Variants in TTLL5 observed in about 807,000 individuals in gnomAD.
TTLL5 encodes tubulin polyglutamylase TTLL5.
A neutral mutation model predicts 168.4 loss-of-function variants in TTLL5; 132 were observed. The ratio of observed to expected loss-of-function variants is 0.78; its 90% confidence interval spans 0.68 to 0.91. TTLL5 has a LOEUF of 0.91. Ranked by LOEUF, TTLL5 falls within the 40% of genes least tolerant of loss-of-function variation. TTLL5 has a pLI of 0.00. For synonymous variants in TTLL5, 546 were observed against 558.6 expected (o/e 0.98, Z 0.32); for missense variants, 1,545 against 1,581.5 (o/e 0.98, Z 0.39).
At chr14:75,702,908 A>T (rs1300940213) in intron 7 of TTLL5, among the ~76,000 whole-genome samples, 1 of 152,186 alleles carries the variant, frequency 6.6e-6, no homozygotes, top group African/African-American at 2.4e-5. Context: ...TGCGGACATA[A>T]TGGGAAAATA....
At chr14:75,696,687 T>G (rs549148696) in intron 6 of TTLL5, among the ~76,000 whole-genome samples, 1 of 152,180 alleles carries the variant, frequency 6.6e-6, no homozygotes, top group East Asian at 1.9e-4. Context: ...GAAAAGACTC[T>G]TTTCTCCTCT....
chr14:75,681,008 G>A (rs2140116552), intron 3 of TTLL5, among the ~76,000 whole-genome samples: 1 of 152,184 alleles, frequency 6.6e-6, no homozygotes, highest in Admixed American at 6.5e-5. Flanking sequence ...TCGCAGAAGA[G>A]TGTTTTAAAA....
At chr14:75,896,215 G>T (rs1441900286) in intron 30 of TTLL5, among the ~76,000 whole-genome samples, 1 of 99,092 alleles carries the variant, frequency 1.0e-5, no homozygotes, top group Non-Finnish European at 2.0e-5. Context: ...ATAAAAGGAA[G>T]AAGCAGCGTA....
chr14:75,756,725 C>T (rs371018427), intron 18 of TTLL5, among the ~76,000 whole-genome samples: 5 of 152,170 alleles, frequency 3.3e-5, no homozygotes, highest in South Asian at 2.1e-4. Context: ...CCAAGCTGAT[C>T]GCGAACTCTT....
chr14:75,874,933 C>CCTTTTTTTTTTTTTTTTTTTTTTTT lies in TTLL5; in HGVS notation c.3523-7752_3523-7751insCTTTTTTTTTTTTTTTTTTTTTTTT, dbSNP rs778792332. 3.2e-4 allele frequency among the ~76,000 whole-genome samples: 31 copies of CCTTTTTTTTTTTTTTTTTTTTTTTT among 97,530 alleles called. 7 individuals carry two copies. Among genetic ancestry groups the CCTTTTTTTTTTTTTTTTTTTTTTTT allele is most frequent in the African/African-American group, 1.1e-3 (23 of 20,366 alleles). The allele number at this position is 97,530 out of a possible 152,430, so 64.0% of individuals were successfully genotyped here. A position where few individuals can be genotyped will look rare whatever the true frequency, so the allele number is the denominator to read the frequency against. On this transcript the variant is annotated intron_variant, in intron 29 of 31. Coordinates refer to ENST00000298832, the MANE Select transcript of TTLL5 (RefSeq NM_015072.5). ...AGAGAAAAAAAAAGACACTGGGGGC[C>CCTTTTTTTTTTTTTTTTTTTTTTTT]TTTTTTTTTTTTTTTTTTGAGACGG...
intron 3 of TTLL5, among the ~76,000 whole-genome samples, chr14:75,674,216 A>G (rs1883971269): frequency 6.6e-6 from 1 of 152,158 alleles, no homozygotes; most frequent in Non-Finnish European, 1.5e-5. Context: ...AGTTTTCTGT[A>G]TCTTTCCCAG....
chr14:75,927,025 G>A (rs2034095214), intron 31 of TTLL5, among the ~76,000 whole-genome samples: 1 of 152,124 alleles, frequency 6.6e-6, no homozygotes, highest in Non-Finnish European at 1.5e-5. Context: ...AATGGCATTG[G>A]GTTTCTTTTT....
chr14:75,782,441 T>C (rs1030872809), intron 24 of TTLL5, 46 bp from the exon 25 acceptor site: 41 of 1,468,786 alleles, frequency 2.8e-5, no homozygotes, highest in Non-Finnish European at 3.6e-5. Flanking sequence ...ACAGCGGACT[T>C]GCAATTGATT....
intron 17 of TTLL5, among the ~76,000 whole-genome samples, chr14:75,750,316 T>A (rs916682698): frequency 6.6e-6 from 1 of 151,884 alleles, no homozygotes; most frequent in Non-Finnish European, 1.5e-5. Flanking sequence ...AAACTGCTTA[T>A]CAGCAGAGGA....
chr14:75,694,671 C>A (rs1268134502), intron 6 of TTLL5, among the ~76,000 whole-genome samples: 1 of 152,200 alleles, frequency 6.6e-6, no homozygotes, highest in African/African-American at 2.4e-5. Flanking sequence ...AGCGGAGGGA[C>A]TGGCTGAAGC....
At chr14:75,868,212 A>G (rs1380702623) in intron 29 of TTLL5, among the ~76,000 whole-genome samples, 1 of 152,174 alleles carries the variant, frequency 6.6e-6, no homozygotes, top group Admixed American at 6.5e-5. Context: ...TGCCTCATCC[A>G]CAGTGAAAAA....
At chr14:75,874,128 A>G (rs181495590) in intron 29 of TTLL5, among the ~76,000 whole-genome samples, 6 of 151,952 alleles carry the variant, frequency 3.9e-5, no homozygotes, top group African/African-American at 9.6e-5. Context: ...GTTTCACTCT[A>G]TTGCCCAGGC....
At chr14:75,791,181 A>G (rs184506536) in intron 26 of TTLL5, among the ~76,000 whole-genome samples, 33 of 152,058 alleles carry the variant, frequency 2.2e-4, no homozygotes, top group Admixed American at 3.3e-4. Flanking sequence ...TGACCCAACA[A>G]TTCCACTCCT....
At chr14:75,790,932 TA>T (rs778260505) in intron 26 of TTLL5, among the ~76,000 whole-genome samples, 84 of 97,340 alleles carry the variant, frequency 8.6e-4, no homozygotes, top group Admixed American at 1.3e-3. Context: ...CCATCTCTAC[TA>T]AAAAAAAAAA....
At chr14:75,897,056 C>T (rs1180592234) in intron 30 of TTLL5, among the ~76,000 whole-genome samples, 6 of 152,090 alleles carry the variant, frequency 3.9e-5, no homozygotes, top group Admixed American at 1.3e-4. Context: ...GAAATACAGG[C>T]ATTTCATCTT....
At chr14:75,714,948 C>G (rs1241935836) in intron 9 of TTLL5, among the ~76,000 whole-genome samples, 3 of 152,176 alleles carry the variant, frequency 2.0e-5, no homozygotes, top group Admixed American at 6.5e-5. Flanking sequence ...ATATCTGTCT[C>G]TAATGTATTG....
intron 27 of TTLL5, among the ~76,000 whole-genome samples, chr14:75,799,524 A>G (rs1893170335): frequency 1.3e-5 from 2 of 152,052 alleles, no homozygotes; most frequent in South Asian, 4.1e-4. Flanking sequence ...TTGCCTGAAT[A>G]CCTGGTGATT....
chr14:75,686,298 G>A (rs1885043074), intron 5 of TTLL5, among the ~76,000 whole-genome samples: 1 of 152,098 alleles, frequency 6.6e-6, no homozygotes, highest in South Asian at 2.1e-4. Flanking sequence ...TGGTTTTAAG[G>A]TGCTAATTGC....
At position 75,771,776 on chromosome 14, in the gene TTLL5, T is replaced by C. The variant is rs1262670936; in HGVS notation, c.2058T>C (p.His686=). The C allele has an allele frequency of 1.2e-6, 2 of 1,614,138 alleles. No homozygotes were observed. Among genetic ancestry groups the C allele is most frequent in the Non-Finnish European group, 1.7e-6 (2 of 1,179,978 alleles). ...TAGCATTCTCTGCCTATCTCCAGCA[T>C]GTTCAAATTCGCCTGATGAAAGACA... ...ARIAFSAYLQ[H]VQIRLMKDSG... is the part of the protein sequence containing the mutation. Residue 686 remains histidine (H), a synonymous_variant, in exon 21 of 32, where the codon CAT becomes CAC. Coordinates refer to ENST00000298832, the MANE Select transcript of TTLL5 (RefSeq NM_015072.5).
Sources: gnomAD v4.1 joint callset for allele counts (sites outside exome capture counted in the v4.1 genomes callset) on GRCh38, gnomAD v4.1.1 for gene constraint, MANE v1.5 for transcripts, NCBI Gene and HGNC (gene_info 2026-07-23, HGNC 2026-07-21) for gene names.